C16orf89: variants seen among roughly 807,000 people sequenced by gnomAD.
C16orf89 encodes the protein chromosome 16 open reading frame 89.
C16orf89 carries 57 observed loss-of-function variants against 41.5 expected under a neutral mutation model. The observed-to-expected ratio is 1.38, with a 90% CI of 1.11 to 1.71. C16orf89 has a LOEUF of 1.71. C16orf89 is among the 40% of genes most tolerant of loss of function. C16orf89 has a pLI of 0.00. For missense variants in C16orf89, 575 were observed against 445.9 expected, an observed-to-expected ratio of 1.29 and a Z score of -2.61; for synonymous variants, 223 against 190.6, an observed-to-expected ratio of 1.17 and a Z score of -1.40.
intron 4 of C16orf89, among the ~76,000 whole-genome samples, chr16:5,056,656 A>G (rs1467555293): frequency 6.6e-6 from 1 of 151,936 alleles, no homozygotes; most frequent in Non-Finnish European, 1.5e-5. Flanking sequence ...CGGGCTGGTG[A>G]CTCCCCACAC....
At chr16:5,055,138 C>G in intron 6 of C16orf89, 108 bp downstream of exon 6, 1 of 968,022 alleles carries the variant, frequency 1.0e-6, no homozygotes, top group Non-Finnish European at 1.6e-6. Flanking sequence ...TTACAAATCC[C>G]TTGGCAACCT....
chr16:5,058,681 G>T (rs1319264865), intron 3 of C16orf89, 71 bp from the exon 4 acceptor site: 5 of 1,277,798 alleles, frequency 3.9e-6, no homozygotes, highest in African/African-American at 3.0e-5. Context: ...CAGCCCCCTA[G>T]TTGTAGTTGT....
chr16:5,057,294 A>ATATATATATAGTGGTATATATATATGTG, intron 4 of C16orf89, among the ~76,000 whole-genome samples: 1 of 98,694 alleles, frequency 1.0e-5, no homozygotes. Flanking sequence ...ATATATGTGT[A>ATATATATATAGTGGTATATATATATGTG]TATATATATA....
Position 5,062,546 on chromosome 16 carries a change from C to CA in C16orf89, c.236_237insT (p.Trp79CysfsTer36), listed in dbSNP as rs1956648095. ...GCGGCTGCAGCAGGGGCTCCTGGGC[C>CA]CACTTCTCCCGGACACTTTTTAGCT... On this transcript the variant is annotated frameshift_variant, in exon 2 of 8. Coordinates refer to ENST00000472572, the MANE Select transcript of C16orf89 (RefSeq NM_001098514.3). LOFTEE classifies it high-confidence loss of function. 1 of 1,612,830 alleles carries CA rather than the reference C, an allele frequency of 6.2e-7. No homozygotes were observed. Among genetic ancestry groups the CA allele is most frequent in the Non-Finnish European group, 8.5e-7 (1 of 1,179,452 alleles).
At chr16:5,060,565 TC>T (rs1402460735) in intron 2 of C16orf89, 129 bp from the exon 3 acceptor site, 4 of 914,072 alleles carry the variant, frequency 4.4e-6, no homozygotes, top group Admixed American at 6.1e-5. Context: ...CTAAGCCCTG[TC>T]CCCTGGTCCC....
At chr16:5,063,585 T>G (rs1956672249) in intron 1 of C16orf89, among the ~76,000 whole-genome samples, 1 of 152,208 alleles carries the variant, frequency 6.6e-6, no homozygotes, top group Non-Finnish European at 1.5e-5. Context: ...CACTACCGCC[T>G]GAGCTCCGCC....
intron 6 of C16orf89, among the ~76,000 whole-genome samples, chr16:5,052,234 A>C (rs886768829): frequency 6.6e-6 from 1 of 152,224 alleles, no homozygotes; most frequent in Non-Finnish European, 1.5e-5. Flanking sequence ...ATCATCAGAG[A>C]AACGCAAATC....
At chr16:5,061,566 C>A (rs1014550724) in intron 2 of C16orf89, among the ~76,000 whole-genome samples, 1 of 146,450 alleles carries the variant, frequency 6.8e-6, no homozygotes, top group Admixed American at 6.8e-5. Flanking sequence ...ATTGGTAGAC[C>A]TTTTGGTTTG....
At chr16:5,064,270 G>C (rs1190323439) in intron 1 of C16orf89, among the ~76,000 whole-genome samples, 1 of 152,202 alleles carries the variant, frequency 6.6e-6, no homozygotes, top group African/African-American at 2.4e-5. Flanking sequence ...GTGTCAAAAA[G>C]GTTGGGGACC....
chr16:5,057,024 G>A (rs1596697030), intron 4 of C16orf89, among the ~76,000 whole-genome samples: 1 of 149,204 alleles, frequency 6.7e-6, no homozygotes, highest in African/African-American at 2.4e-5. Context: ...TGGATCACGA[G>A]GTCCGGAATT....
At chr16:5,055,212 C>A (rs1187885209) in intron 6 of C16orf89, 34 bp downstream of exon 6, 2 of 1,532,578 alleles carry the variant, frequency 1.3e-6, no homozygotes, top group Non-Finnish European at 1.8e-6. Context: ...CCCCCACTGC[C>A]CCCCTTCTTA....
At chr16:5,048,897 G>C (rs1471479454) in intron 6 of C16orf89, among the ~76,000 whole-genome samples, 1 of 152,062 alleles carries the variant, frequency 6.6e-6, no homozygotes, top group Non-Finnish European at 1.5e-5. Flanking sequence ...AATTGATTCA[G>C]TCCCCCACTT....
At chr16:5,049,306 A>G (rs548136895) in intron 6 of C16orf89, among the ~76,000 whole-genome samples, 2 of 152,336 alleles carry the variant, frequency 1.3e-5, no homozygotes, top group African/African-American at 4.8e-5. Context: ...CTAGACAGAA[A>G]CTCAACAAAG....
At position 5,063,611 on chromosome 16, in the gene C16orf89, G is replaced by A. The variant is rs577369953; in HGVS notation, c.209-1037C>T. Among the ~76,000 whole-genome samples the A allele has an allele frequency of 1.6e-4, 25 of 152,264 alleles. 1 individual carries two copies. In the South Asian group the frequency reaches 5.2e-3, roughly 32 times the overall value. Reference sequence around the variant, plus strand: ...GAGCTCCGCCTGCTGTCAGATCAGTGGCTGCATTCGATTCTCACAGGAGTG... The same window carrying A: ...GAGCTCCGCCTGCTGTCAGATCAGTAGCTGCATTCGATTCTCACAGGAGTG... On this transcript the variant is annotated intron_variant, in intron 1 of 7. Coordinates refer to ENST00000472572, the MANE Select transcript of C16orf89 (RefSeq NM_001098514.3).
intron 6 of C16orf89, among the ~76,000 whole-genome samples, chr16:5,052,628 C>G (rs113145288): frequency 2.6e-5 from 4 of 151,348 alleles, no homozygotes; most frequent in African/African-American, 7.3e-5. Context: ...CAACAGATAA[C>G]AAATGCTGGC....
In C16orf89 at chr16:5,060,448, G is replaced by A. The variant is rs1405928828; in HGVS notation, c.359-12C>T. 10 of 1,609,218 alleles carry A rather than the reference G, an allele frequency of 6.2e-6. No homozygotes were observed. In the Middle Eastern group the frequency reaches 5.0e-4, roughly 80 times the overall value. On this transcript the variant is annotated splice_polypyrimidine_tract_variant and intron_variant, in intron 2 of 7. Transcript: ENST00000472572. Reference sequence around the variant, plus strand: ...GGTCAGCTGGAACTCTGGCAGAGAGGACAGATAGATGGGGTGGGGTGTGGG... The same window carrying A: ...GGTCAGCTGGAACTCTGGCAGAGAGAACAGATAGATGGGGTGGGGTGTGGG...
intron 1 of C16orf89, among the ~76,000 whole-genome samples, chr16:5,063,176 T>C (rs1956663933): frequency 6.6e-6 from 1 of 152,086 alleles, no homozygotes; most frequent in African/African-American, 2.4e-5. Flanking sequence ...AGTGAGAGCA[T>C]TCACGCAGGG....
intron 7 of C16orf89, 32 bp from the exon 8 acceptor site, chr16:5,044,510 G>A (rs1241996379): frequency 6.2e-7 from 1 of 1,611,072 alleles, no homozygotes; most frequent in Non-Finnish European, 8.5e-7. Context: ...AGTGCTGGGT[G>A]GCAAGAACCT....
At position 5,061,502 on chromosome 16, in the gene C16orf89, A is replaced by AAAAAAG. The variant is rs796550657; in HGVS notation, c.358+922_358+923insCTTTTT. Among the ~76,000 whole-genome samples, 22 of 46,654 alleles carry AAAAAAG rather than the reference A, an allele frequency of 4.7e-4. 2 individuals are homozygous for AAAAAAG. Among genetic ancestry groups the AAAAAAG allele is most frequent in the South Asian group, 9.3e-4 (1 of 1,070 alleles). 30.6% of individuals were successfully genotyped at this position (46,654 alleles called of 152,430 possible). On this transcript the variant is annotated intron_variant, in intron 2 of 7. Transcript: ENST00000472572. ...ACTGTCTCAAAAAAAAAAAAAAAAAAAACCCCCCCAAAAAAAAAAACAAGT... is the reference window on the plus strand; with the variant it reads ...ACTGTCTCAAAAAAAAAAAAAAAAAAAAAAAGAACCCCCCCAAAAAAAAAAACAAGT...
Sources: gnomAD v4.1 joint callset for allele counts (sites outside exome capture counted in the v4.1 genomes callset) on GRCh38, gnomAD v4.1.1 for gene constraint, MANE v1.5 for transcripts, NCBI Gene and HGNC (gene_info 2026-07-23, HGNC 2026-07-21) for gene names.